Variants in ARAP2 observed in about 807,000 individuals in gnomAD.
ARAP2 encodes the protein arf-GAP with Rho-GAP domain, ANK repeat and PH domain-containing protein 2.
In ARAP2, 148 loss-of-function variants were observed where a neutral mutation model predicts 194.5. The observed-to-expected ratio is 0.76, with a 90% CI of 0.67 to 0.87. ARAP2 has a LOEUF of 0.87. ARAP2 is among the 40% of genes least tolerant of loss of function. The pLI, the probability that ARAP2 is intolerant of heterozygous loss-of-function variation, is 0.00. For synonymous variants in ARAP2, 695 were observed against 683.5 expected (o/e 1.02, Z -0.26); for missense variants, 2,128 against 1,989.7 (o/e 1.07, Z -1.32).
intron 19 of ARAP2, among the ~76,000 whole-genome samples, chr4:36,134,318 C>A (rs1238443490): frequency 6.6e-6 from 1 of 151,648 alleles, no homozygotes; most frequent in Non-Finnish European, 1.5e-5. Flanking sequence ...AAAAATTTTC[C>A]ACGTACCCCA....
intron 15 of ARAP2, among the ~76,000 whole-genome samples, chr4:36,157,888 G>A (rs907678055): frequency 1.3e-5 from 2 of 152,062 alleles, no homozygotes; most frequent in African/African-American, 4.8e-5. Flanking sequence ...CAGTGAGTTT[G>A]TCATCCTATC....
chr4:36,134,997 CAAAG>C (rs1726331615), intron 19 of ARAP2, among the ~76,000 whole-genome samples: 1 of 151,652 alleles, frequency 6.6e-6, no homozygotes, highest in Admixed American at 6.6e-5. Context: ...CACAGGCAAG[CAAAG>C]AAAGTATTTC....
intron 16 of ARAP2, among the ~76,000 whole-genome samples, chr4:36,150,307 C>G (rs563373007): frequency 7.2e-5 from 11 of 152,032 alleles, no homozygotes; most frequent in African/African-American, 2.7e-4. Flanking sequence ...TAATAAGTAA[C>G]AAAATTAAAT....
chr4:36,241,559 T>C (rs1753507339), intron 1 of ARAP2, among the ~76,000 whole-genome samples: 1 of 151,852 alleles, frequency 6.6e-6, no homozygotes, highest in Non-Finnish European at 1.5e-5. Flanking sequence ...CCTCCAAGAG[T>C]TTACAATCTA....
chr4:36,043,384 T>G, intron 5 of ARAP2, among the ~76,000 whole-genome samples: 1 of 152,206 alleles, frequency 6.6e-6, no homozygotes, highest in Non-Finnish European at 1.5e-5. Context: ...AACTAGGGTC[T>G]TCTGAAAATT....
At chr4:36,120,211 A>T (rs1208959530) in intron 23 of ARAP2, among the ~76,000 whole-genome samples, 1 of 151,580 alleles carries the variant, frequency 6.6e-6, no homozygotes, top group African/African-American at 2.4e-5. Flanking sequence ...GCATCAGATT[A>T]TTGCAAAGAA....
At chr4:36,014,281 GA>G (rs1560264273) in intron 8 of ARAP2, among the ~76,000 whole-genome samples, 28 of 138,868 alleles carry the variant, frequency 2.0e-4, no homozygotes, top group African/African-American at 6.2e-4. Context: ...AAGAAAGAAA[GA>G]AAGAAAGAAA....
intron 1 of ARAP2, among the ~76,000 whole-genome samples, chr4:36,232,290 A>C (rs1560732063): frequency 6.6e-6 from 1 of 152,226 alleles, no homozygotes; most frequent in Admixed American, 6.5e-5. Flanking sequence ...GTCTCTGAAC[A>C]AATCTCTCAG....
Position 36,128,592 on chromosome 4 carries a change from G to C in ARAP2, c.3581C>G (p.Ser1194Cys). ...AGTAAGCAGTGCATCATCAATGTCAGAGAGAAAACTTTTCAACACAGCCGT... is the reference window on the plus strand; with the variant it reads ...AGTAAGCAGTGCATCATCAATGTCACAGAGAAAACTTTTCAACACAGCCGT... ...DVTAVLKSFL[S>C]DIDDALLTKE... is the part of the protein sequence containing the mutation. Residue 1194 changes from serine to cysteine, a missense_variant, in exon 21 of 33, where the codon TCT becomes TGT. Ser to Cys is a moderately radical substitution (Grantham distance 112). Transcript: ENST00000303965. The C allele has an allele frequency of 6.2e-7, 1 of 1,613,046 alleles. No individual in the cohort carries two copies. Among genetic ancestry groups the C allele is most frequent in the East Asian group, 2.2e-5 (1 of 44,726 alleles).
chr4:36,231,135 G>A (rs1751368294), intron 1 of ARAP2, among the ~76,000 whole-genome samples: 1 of 152,042 alleles, frequency 6.6e-6, no homozygotes, highest in African/African-American at 2.4e-5. Context: ...TCAGGAGATG[G>A]AGACCATCCT....
At chr4:36,210,841 T>A (rs977188992) in intron 5 of ARAP2, 98 bp from the exon 6 acceptor site, 8 of 909,350 alleles carry the variant, frequency 8.8e-6, no homozygotes, top group East Asian at 5.1e-5. Context: ...AACAGAAACA[T>A]AAGGCCAGGA....
chr4:36,068,606 C>T (rs574719904), intron 32 of ARAP2, among the ~76,000 whole-genome samples: 5 of 152,280 alleles, frequency 3.3e-5, no homozygotes, highest in Non-Finnish European at 5.9e-5. Context: ...CGCGGTAGGA[C>T]ACTCTCTCGT....
chr4:36,030,353 T>C (rs1291529817), intron 5 of ARAP2, among the ~76,000 whole-genome samples: 2 of 152,130 alleles, frequency 1.3e-5, no homozygotes, highest in African/African-American at 4.8e-5. Flanking sequence ...GAATTTGTTA[T>C]CTCCAAAGTT....
At chr4:36,063,434 G>A (rs765466359), downstream of ARAP2, among the ~76,000 whole-genome samples, 3 of 149,886 alleles carry the variant, frequency 2.0e-5, no homozygotes, top group Admixed American at 6.7e-5. Flanking sequence ...TTGTGCACAT[G>A]TACCCTAGAA....
At chr4:36,093,428 T>C (rs959499219) in intron 27 of ARAP2, among the ~76,000 whole-genome samples, 4 of 152,118 alleles carry the variant, frequency 2.6e-5, no homozygotes, top group Non-Finnish European at 4.4e-5. Flanking sequence ...CTTGAAAAAC[T>C]AAATCTAAAC....
intron 32 of ARAP2, among the ~76,000 whole-genome samples, chr4:36,071,693 A>ATTTTTTTTTTTTT (rs55918222): frequency 1.4e-5 from 2 of 147,116 alleles, no homozygotes; most frequent in African/African-American, 2.5e-5. Context: ...TTTTTTTTTA[A>ATTTTTTTTTTTTT]TTTTTTTTCT....
At chr4:36,118,065 T>TG (rs1453365853) in intron 24 of ARAP2, among the ~76,000 whole-genome samples, 3 of 151,230 alleles carry the variant, frequency 2.0e-5, no homozygotes, top group Admixed American at 6.6e-5. Flanking sequence ...AGTAAACTTG[T>TG]GGGGAAAAAA....
intron 10 of ARAP2, chr4:36,006,293 C>A (rs1356759769): frequency 1.3e-5 from 2 of 152,204 alleles, no homozygotes; most frequent in African/African-American, 2.4e-5. Context: ...GAAGTTTTCA[C>A]TGTCTTGATT....
intron 1 of ARAP2, among the ~76,000 whole-genome samples, chr4:36,241,041 GAT>G (rs944630871): frequency 6.6e-6 from 1 of 152,156 alleles, no homozygotes; most frequent in African/African-American, 2.4e-5. Context: ...AATTCACTAA[GAT>G]TTGAGAATTT....
Sources: gnomAD v4.1 joint callset for allele counts (sites outside exome capture counted in the v4.1 genomes callset) on GRCh38, gnomAD v4.1.1 for gene constraint, MANE v1.5 for transcripts, NCBI Gene and HGNC (gene_info 2026-07-23, HGNC 2026-07-21) for gene names.